Variants in DMD observed in about 807,000 individuals in gnomAD.
DMD encodes dystrophin.
DMD carries 63 observed loss-of-function variants against 330.1 expected under a neutral mutation model. The observed-to-expected ratio is 0.19, with a 90% CI of 0.16 to 0.24. The LOEUF (loss-of-function observed/expected upper bound fraction) is 0.24, where lower values mean the gene tolerates loss of function less well. DMD is among the 10% of genes least tolerant of loss of function. The probability of loss-of-function intolerance (pLI) is 1.00; values close to 1 mark genes in which losing one functional copy is unlikely to be tolerated. For missense variants in DMD, 3,344 were observed against 2,684.1 expected, an observed-to-expected ratio of 1.25 and a Z score of -5.43; for synonymous variants, 1,223 against 959.8, an observed-to-expected ratio of 1.27 and a Z score of -5.07.
chrX:32,641,407 C>CATACATATATAT (rs1569366795), intron 11 of DMD: 39 of 63,183 alleles, frequency 6.2e-4, no homozygotes, highest in African/African-American at 2.2e-3. Context: ...GTATTTTATA[C>CATACATATATAT]GTATATATAT....
chrX:31,301,728 T>C (rs930712125), intron 62 of DMD, among the ~76,000 whole-genome samples: 7 of 110,380 alleles, frequency 6.3e-5, no homozygotes, highest in Non-Finnish European at 1.1e-4. Flanking sequence ...CATCTATGTG[T>C]GGTTTTGTTT....
chrX:32,887,342 A>G (rs1364431042), intron 2 of DMD, among the ~76,000 whole-genome samples: 1 of 88,959 alleles, frequency 1.1e-5, no homozygotes, highest in East Asian at 3.2e-4. Context: ...GCAAGAATCC[A>G]TCTCAAAAAA....
At chrX:32,511,526 A>AGGG (rs2045327249) in intron 18 of DMD, among the ~76,000 whole-genome samples, 1 of 47,116 alleles carries the variant, frequency 2.1e-5, no homozygotes. Context: ...CGTCTCGGGA[A>AGGG]AAAAAAAAAA....
chrX:32,895,696 C>G (rs2085645689), intron 2 of DMD, among the ~76,000 whole-genome samples: 1 of 111,342 alleles, frequency 9.0e-6, no homozygotes, highest in African/African-American at 3.3e-5. Context: ...GGCTTCCAGG[C>G]CTTAGCAAGA....
intron 9 of DMD, among the ~76,000 whole-genome samples, chrX:32,690,675 A>C (rs1054837440): frequency 3.6e-5 from 4 of 110,511 alleles, no homozygotes; most frequent in Admixed American, 9.6e-5. Flanking sequence ...AATAGAGCCC[A>C]GATATAAATC....
intron 7 of DMD, among the ~76,000 whole-genome samples, chrX:32,709,616 C>A (rs1480589690): frequency 9.0e-6 from 1 of 110,945 alleles, no homozygotes; most frequent in African/African-American, 3.3e-5. Context: ...CCATTTTACA[C>A]CTCTTGATCT....
intron 33 of DMD, among the ~76,000 whole-genome samples, chrX:32,381,606 C>A (rs2097924994): frequency 1.8e-5 from 2 of 111,461 alleles, no homozygotes; most frequent in South Asian, 7.4e-4. Flanking sequence ...CTCTCTACTC[C>A]TGAAAGTTCC....
intron 55 of DMD, among the ~76,000 whole-genome samples, chrX:31,565,280 ATCTC>A (rs762602130): frequency 9.1e-6 from 1 of 109,601 alleles, no homozygotes; most frequent in African/African-American, 3.3e-5. Flanking sequence ...AGTCACATCC[ATCTC>A]TCTCTCTCTC....
At position 32,791,014 on chromosome X, in the gene DMD, G is replaced by A. The variant is rs1394830550; in HGVS notation, c.649+18479C>T. ...CCCAGTACATAAAAATTTGTATAGA[G>A]ACCTGGGGCTCTCCCACCCCAGTTT... On this transcript the variant is annotated intron_variant, in intron 7 of 78. Coordinates refer to ENST00000357033, the MANE Select transcript of DMD (RefSeq NM_004006.3). 4.5e-5 allele frequency among the ~76,000 whole-genome samples: 5 copies of A among 110,829 alleles called. No individual in the cohort carries two copies. The Admixed American group carries it at 4.8e-4, about 11-fold the overall frequency.
chrX:31,234,049 G>C (rs2047479981), intron 63 of DMD, among the ~76,000 whole-genome samples: 1 of 112,045 alleles, frequency 8.9e-6, no homozygotes. Flanking sequence ...CATTCTCATA[G>C]AACAGTCAGC....
intron 9 of DMD, among the ~76,000 whole-genome samples, chrX:32,688,245 A>C (rs2063025327): frequency 9.0e-6 from 1 of 111,338 alleles, no homozygotes. Context: ...GGTTCGCAAA[A>C]ATTGACTCTA....
chrX:31,342,338 G>A lies in DMD; in HGVS notation c.9163+6218C>T, dbSNP rs151148475. The stretch of plus-strand genomic sequence containing the variant: ...TACCACATTAAGGCAAAGATTCACT[G>A]TGATCCATGGCATAAAGTTTAGTGT... On this transcript the variant is annotated intron_variant, in intron 61 of 78. Coordinates refer to ENST00000357033, the MANE Select transcript of DMD (RefSeq NM_004006.3). 1.0e-2 allele frequency among the ~76,000 whole-genome samples: 1,117 copies of A among 112,003 alleles called. 12 individuals are homozygous for A. Among genetic ancestry groups the A allele is most frequent in the African/African-American group, 0.034 (1,062 of 30,861 alleles).
intron 54 of DMD, among the ~76,000 whole-genome samples, chrX:31,640,118 T>C (rs1370153269): frequency 1.8e-5 from 2 of 111,637 alleles, no homozygotes; most frequent in Non-Finnish European, 3.8e-5. Context: ...CGAACCTGAA[T>C]TAAAAACAGC....
intron 30 of DMD, among the ~76,000 whole-genome samples, chrX:32,392,242 C>CTTTA (rs768504082): frequency 8.1e-5 from 9 of 110,811 alleles, no homozygotes; most frequent in Non-Finnish European, 1.5e-4. Flanking sequence ...TGCGGTATGG[C>CTTTA]TTTATTTATT....
At chrX:31,860,665 G>A (rs1359159414) in intron 48 of DMD, among the ~76,000 whole-genome samples, 1 of 112,168 alleles carries the variant, frequency 8.9e-6, no homozygotes, top group African/African-American at 3.2e-5. Flanking sequence ...GGAATAAAAT[G>A]TTAAGCTTCC....
intron 7 of DMD, among the ~76,000 whole-genome samples, chrX:32,769,021 T>A (rs1374148544): frequency 9.0e-6 from 1 of 111,563 alleles, no homozygotes; most frequent in Non-Finnish European, 1.9e-5. Flanking sequence ...TTTCTGTATT[T>A]GCTTCCCCCT....
intron 44 of DMD, among the ~76,000 whole-genome samples, chrX:31,974,256 C>T (rs1174635764): frequency 9.1e-6 from 1 of 110,144 alleles, no homozygotes; most frequent in Non-Finnish European, 1.9e-5. Flanking sequence ...ATACCGCGGA[C>T]TAGTAGATGT....
At chrX:32,391,535 A>T (rs183963164) in intron 30 of DMD, among the ~76,000 whole-genome samples, 95 of 112,245 alleles carry the variant, frequency 8.5e-4, no homozygotes, top group African/African-American at 2.9e-3. Context: ...ATTATGAATT[A>T]CCTAAATAGT....
chrX:33,008,343 T>TCTTA (rs1223406661), intron 2 of DMD, among the ~76,000 whole-genome samples: 6 of 111,232 alleles, frequency 5.4e-5, no homozygotes, highest in African/African-American at 2.0e-4. Flanking sequence ...TCAGAGTAGA[T>TCTTA]CTTAATTCTT....
Sources: gnomAD v4.1 joint callset for allele counts (sites outside exome capture counted in the v4.1 genomes callset) on GRCh38, gnomAD v4.1.1 for gene constraint, MANE v1.5 for transcripts, NCBI Gene and HGNC (gene_info 2026-07-23, HGNC 2026-07-21) for gene names.